The following KIAA0586 variants were observed in gnomAD, a reference collection of about 807,000 sequenced individuals.
KIAA0586 encodes protein TALPID3.
A neutral mutation model predicts 169.8 loss-of-function variants in KIAA0586; 144 were observed. The observed-to-expected ratio is 0.85, with a 90% confidence interval of 0.74 to 0.97. The LOEUF is 0.97. Among genes scored for constraint, KIAA0586 ranks in the 50% least tolerant of loss-of-function variants. The pLI is 0.00. For synonymous variants in KIAA0586, 625 were observed against 612.4 expected (o/e 1.02, Z -0.30); for missense variants, 1,854 against 1,823.0 (o/e 1.02, Z -0.31).
Position 58,515,484 on chromosome 14 carries a change from C to T in KIAA0586, c.4429+2857C>T, listed in dbSNP as rs576178236. On this transcript the variant is annotated intron_variant, in intron 29 of 30. Coordinates refer to ENST00000652326, the MANE Select transcript of KIAA0586 (RefSeq NM_001329943.3). Reference sequence around the variant, plus strand: ...CTTAGAAGCTAATTTTGACCACGTGCGCAAATTATTTTTCTTTTTTAGTAG... The same window carrying T: ...CTTAGAAGCTAATTTTGACCACGTGTGCAAATTATTTTTCTTTTTTAGTAG... 2.5e-4 allele frequency among the ~76,000 whole-genome samples: 38 copies of T among 152,092 alleles called. No individual in the cohort carries two copies. In the East Asian group the frequency reaches 3.3e-3, roughly 13 times the overall value.
chr14:58,458,076 A>T (rs1336950662), intron 11 of KIAA0586, 97 bp downstream of exon 11: 3 of 780,926 alleles, frequency 3.8e-6, no homozygotes, highest in Non-Finnish European at 6.0e-6. Flanking sequence ...ATTAGTTTTC[A>T]TATTTTTAAA....
intron 20 of KIAA0586, 74 bp downstream of exon 20, chr14:58,477,315 C>T: frequency 1.3e-6 from 1 of 765,038 alleles, no homozygotes. Flanking sequence ...TTATATATTC[C>T]AGAGGTCAAG....
rs1002990594 is a variant in KIAA0586, at chr14:58,492,085, G to C, written c.3859-59G>C. The C allele has an allele frequency of 7.2e-5, 96 of 1,334,074 alleles. 3 individuals carry two copies. The Middle Eastern group carries it at 2.4e-3, about 33-fold the overall frequency. The allele number at this position is 1,334,074 out of a possible 1,614,324, so 82.6% of individuals were successfully genotyped here. ...TAAGTTTTTATTAATCTTAAATTGA[G>C]AAAAATGCAATTGTTCGAAATAATT... On this transcript the variant is annotated intron_variant, in intron 25 of 30. Transcript: ENST00000652326.
chr14:58,428,775 T>C (rs1421852946), intron 1 of KIAA0586, among the ~76,000 whole-genome samples: 1 of 152,052 alleles, frequency 6.6e-6, no homozygotes, highest in Non-Finnish European at 1.5e-5. Context: ...TAGTGTTTTT[T>C]ATAGTTTTCC....
At chr14:58,447,654 T>C (rs1208454358) in intron 6 of KIAA0586, among the ~76,000 whole-genome samples, 1 of 151,898 alleles carries the variant, frequency 6.6e-6, no homozygotes, top group Non-Finnish European at 1.5e-5. Context: ...CTAATTTTTG[T>C]ATTTTTAGGA....
chr14:58,506,971 AC>A (rs2044001386), intron 27 of KIAA0586, among the ~76,000 whole-genome samples: 1 of 151,824 alleles, frequency 6.6e-6, no homozygotes, highest in African/African-American at 2.4e-5. Flanking sequence ...ACATGGCGAA[AC>A]CCTGTCTCTA....
downstream of KIAA0586, among the ~76,000 whole-genome samples, chr14:58,552,796 A>G (rs921138461): frequency 1.3e-5 from 2 of 152,236 alleles, no homozygotes; most frequent in Non-Finnish European, 2.9e-5. Context: ...CAGGTAAAGA[A>G]CAGGCCCACT....
At chr14:58,505,034 G>C (rs1363100750) in intron 27 of KIAA0586, among the ~76,000 whole-genome samples, 2 of 152,170 alleles carry the variant, frequency 1.3e-5, no homozygotes, top group East Asian at 3.9e-4. Context: ...CGCACTTTTT[G>C]AGTGCTCCCC....
chr14:58,440,709 T>G (rs962067530), intron 4 of KIAA0586, among the ~76,000 whole-genome samples: 2 of 152,190 alleles, frequency 1.3e-5, no homozygotes, highest in Admixed American at 1.3e-4. Context: ...TATCAATCCC[T>G]CTTGGGGACA....
chr14:58,453,189 G>C (rs2039544788), intron 8 of KIAA0586, among the ~76,000 whole-genome samples, 161 bp from the exon 9 acceptor site: 1 of 152,086 alleles, frequency 6.6e-6, no homozygotes, highest in Non-Finnish European at 1.5e-5. Flanking sequence ...AATGTGCTGG[G>C]ATTACAGGCA....
chr14:58,450,833 T>G, intron 8 of KIAA0586, 87 bp downstream of exon 8: 29 of 713,062 alleles, frequency 4.1e-5, no homozygotes, highest in Non-Finnish European at 6.1e-5. Context: ...GTGGGATCTC[T>G]ATTTGTAATA....
In KIAA0586 at chr14:58,549,849, A is replaced by G. The variant is rs1252732208; in HGVS notation, c.*1917A>G. On this transcript the variant is annotated 3_prime_UTR_variant, in exon 31 of 31. Coordinates refer to ENST00000652326, the MANE Select transcript of KIAA0586 (RefSeq NM_001329943.3). ...AGCAAAATCTTGTTTTAGTTAAAGC[A>G]TTTTTTATTTAAAGGTGTTGGTAGA... 6.6e-6 allele frequency: 1 copy of G among 152,144 alleles called. No homozygotes were observed. Among genetic ancestry groups the G allele is most frequent in the Non-Finnish European group, 1.5e-5 (1 of 68,048 alleles). The allele number at this position is 152,144 out of a possible 1,614,324, so 9.4% of individuals were successfully genotyped here. A position where few individuals can be genotyped will look rare whatever the true frequency, so the allele number is the denominator to read the frequency against.
chr14:58,536,052 AT>A lies in KIAA0586; in HGVS notation c.4430-4010del, dbSNP rs539827327. On this transcript the variant is annotated intron_variant, in intron 29 of 30. Transcript: ENST00000652326. ...AAAGTAAGCTTTGAAGCCCAAAATA[AT>A]TTTTTTTTAAATATGAGTATAACTG... 3.0e-3 allele frequency among the ~76,000 whole-genome samples: 450 copies of A among 151,800 alleles called. 3 individuals carry two copies. The highest frequency in any genetic ancestry group is 7.4e-3 in the African/African-American group (305 of 41,428).
chr14:58,537,104 A>G (rs1011483376), intron 29 of KIAA0586: 1 of 1,233,628 alleles, frequency 8.1e-7, no homozygotes, highest in Non-Finnish European at 1.0e-6. Flanking sequence ...TGCTGTTTTA[A>G]TCATCAACTG....
At chr14:58,521,974 G>T in intron 29 of KIAA0586, 1 of 1,345,664 alleles carries the variant, frequency 7.4e-7, no homozygotes, top group Non-Finnish European at 1.1e-6. Context: ...CAGCACCAAT[G>T]GCGAAGATAA....
chr14:58,470,519 A>G (rs2041127264), intron 16 of KIAA0586, 94 bp from the exon 17 acceptor site: 1 of 628,824 alleles, frequency 1.6e-6, no homozygotes, highest in South Asian at 2.8e-5. Context: ...GTATATGTGT[A>G]TACACACACA....
intron 4 of KIAA0586, among the ~76,000 whole-genome samples, chr14:58,437,759 GA>G: frequency 6.7e-6 from 1 of 148,670 alleles, no homozygotes. Flanking sequence ...ATCCAAGCTG[GA>G]AATTAAGATG....
intron 29 of KIAA0586, among the ~76,000 whole-genome samples, chr14:58,516,581 A>T (rs1373189070): frequency 6.6e-6 from 1 of 152,244 alleles, no homozygotes; most frequent in Non-Finnish European, 1.5e-5. Context: ...CTCCAAATTG[A>T]TCTATAGATT....
At chr14:58,518,176 A>G (rs998994112) in intron 29 of KIAA0586, among the ~76,000 whole-genome samples, 1 of 152,202 alleles carries the variant, frequency 6.6e-6, no homozygotes, top group Non-Finnish European at 1.5e-5. Context: ...TAATTAGCTT[A>G]TACTAAAAGC....
Sources: allele counts gnomAD v4.1 joint callset (sites outside exome capture counted in the v4.1 genomes callset), GRCh38; gene constraint gnomAD v4.1.1; transcripts MANE v1.5; gene names NCBI Gene and HGNC (gene_info 2026-07-23, HGNC 2026-07-21).